The following FAM91A1 variants were observed in gnomAD, a reference collection of about 807,000 sequenced individuals.
The protein encoded by FAM91A1 is protein FAM91A1.
FAM91A1 carries 41 observed loss-of-function variants against 113.5 expected under a neutral mutation model. The observed-to-expected ratio is 0.36, with a 90% CI of 0.28 to 0.47. The LOEUF (loss-of-function observed/expected upper bound fraction) is 0.47. Among genes scored for constraint, FAM91A1 ranks in the 20% least tolerant of loss-of-function variants. FAM91A1 has a pLI of 1.00. For missense variants in FAM91A1, 696 were observed against 1,001.2 expected (o/e 0.70, Z 4.11); for synonymous variants, 307 against 347.9 (o/e 0.88, Z 1.31).
In FAM91A1 at chr8:123,784,590, C is replaced by T. The variant is rs368167525; in HGVS notation, c.810+14C>T. The T allele has an allele frequency of 6.7e-5, 103 of 1,534,374 alleles. No homozygotes were observed. In the African/African-American group the frequency reaches 1.2e-3, roughly 18 times the overall value. ...AATGTTGCAGAGGTAAGTTTGACAACGTCTCATGAAAATATAATCTCAAGA... is the reference window on the plus strand; with the variant it reads ...AATGTTGCAGAGGTAAGTTTGACAATGTCTCATGAAAATATAATCTCAAGA... On this transcript the variant is annotated intron_variant, in intron 9 of 23. Coordinates refer to ENST00000334705, the MANE Select transcript of FAM91A1 (RefSeq NM_144963.4).
chr8:123,785,594 T>G, intron 10 of FAM91A1, 35 bp from the exon 11 acceptor site: 3 of 1,371,722 alleles, frequency 2.2e-6, no homozygotes, highest in Non-Finnish European at 3.1e-6. Flanking sequence ...TAGTTTATTT[T>G]AAATGGTAAT....
intron 9 of FAM91A1, 113 bp downstream of exon 9, chr8:123,784,689 C>G (rs998182959): frequency 2.9e-5 from 18 of 612,478 alleles, no homozygotes; most frequent in Non-Finnish European, 2.1e-5. Context: ...GTGGGGAGAT[C>G]ATACCATTAT....
intron 18 of FAM91A1, among the ~76,000 whole-genome samples, chr8:123,801,666 C>G (rs1187641696): frequency 6.6e-6 from 1 of 152,128 alleles, no homozygotes; most frequent in African/African-American, 2.4e-5. Flanking sequence ...AAGAACTATC[C>G]AGTCCAGCCT....
intron 1 of FAM91A1, among the ~76,000 whole-genome samples, chr8:123,771,456 A>G (rs1814835119): frequency 6.6e-6 from 1 of 152,156 alleles, no homozygotes; most frequent in Admixed American, 6.5e-5. Flanking sequence ...CAGTTCTGTA[A>G]GCTAGGGGCA....
At position 123,769,226 on chromosome 8, in the gene FAM91A1, G is replaced by A. The variant is rs181480254; in HGVS notation, c.72+452G>A. On this transcript the variant is annotated intron_variant, in intron 1 of 23. Coordinates refer to ENST00000334705, the MANE Select transcript of FAM91A1 (RefSeq NM_144963.4). Reference sequence around the variant, plus strand: ...CTGGGAGAGTTGGAAGGATTTTTAAGGCAGGCACTTAAATTGGGCCTTGGA... The same window carrying A: ...CTGGGAGAGTTGGAAGGATTTTTAAAGCAGGCACTTAAATTGGGCCTTGGA... 1.1e-4 allele frequency among the ~76,000 whole-genome samples: 16 copies of A among 152,324 alleles called. No individual in the cohort carries two copies. In the East Asian group the frequency reaches 2.5e-3, roughly 24 times the overall value.
chr8:123,779,510 T>C (rs1235645013), intron 6 of FAM91A1, among the ~76,000 whole-genome samples: 1 of 152,228 alleles, frequency 6.6e-6, no homozygotes, highest in Middle Eastern at 3.2e-3. Context: ...CTTTTTGGTC[T>C]GCATTTAATT....
intron 22 of FAM91A1, 122 bp from the exon 23 acceptor site, chr8:123,810,156 TTAAG>T: frequency 1.2e-6 from 1 of 838,396 alleles, no homozygotes. Context: ...AAATTGTTTT[TTAAG>T]ATGTTTTGTG....
At chr8:123,785,196 G>A in intron 10 of FAM91A1, 77 bp downstream of exon 10, 1 of 1,201,644 alleles carries the variant, frequency 8.3e-7, no homozygotes, top group Non-Finnish European at 1.2e-6. Context: ...ATCTTGATAA[G>A]CTACTGAGAA....
Position 123,786,480 on chromosome 8 carries a change from A to T in FAM91A1, c.963-15A>T, listed in dbSNP as rs1815260914. ...TATATGATTTTTAAAAAGCAAATGC[A>T]TTCTTCATTAATAGGAGTACCTTAG... On this transcript the variant is annotated splice_polypyrimidine_tract_variant and intron_variant, in intron 11 of 23. Coordinates refer to ENST00000334705, the MANE Select transcript of FAM91A1 (RefSeq NM_144963.4). 5 of 1,562,148 alleles carry T rather than the reference A, an allele frequency of 3.2e-6. No homozygotes were observed. The highest frequency in any genetic ancestry group is 4.4e-6 in the Non-Finnish European group (5 of 1,134,412).
intron 4 of FAM91A1, 122 bp downstream of exon 4, chr8:123,777,444 C>A: frequency 1.2e-6 from 1 of 826,394 alleles, no homozygotes; most frequent in Non-Finnish European, 1.9e-6. Context: ...GAACAGTAAG[C>A]AACATTATCA....
Position 123,778,766 on chromosome 8 carries a change from C to A in FAM91A1, c.543C>A (p.Asp181Glu). The change falls in exon 6 of 24, where the codon GAC becomes GAA. Residue 181 changes from aspartate to glutamate, a missense_variant. Coordinates refer to ENST00000334705, the MANE Select transcript of FAM91A1 (RefSeq NM_144963.4). ...VVQAGYITEDDIKICTLPEKC... is the reference protein window; with the variant it reads ...VVQAGYITEDEIKICTLPEKC... ...AGGCTGGCTATATCACAGAAGATGACATCAAGGTAGAAATCTTTAAAAGTT... is the reference window on the plus strand; with the variant it reads ...AGGCTGGCTATATCACAGAAGATGAAATCAAGGTAGAAATCTTTAAAAGTT... The A allele has an allele frequency of 6.6e-7, 1 of 1,512,114 alleles. No homozygotes were observed. Among genetic ancestry groups the A allele is most frequent in the Non-Finnish European group, 8.9e-7 (1 of 1,128,130 alleles). The allele number at this position is 1,512,114 out of a possible 1,614,324, so 93.7% of individuals were successfully genotyped here.
chr8:123,804,505 A>C (rs2130147654), intron 18 of FAM91A1, among the ~76,000 whole-genome samples: 1 of 148,280 alleles, frequency 6.7e-6, no homozygotes, highest in East Asian at 1.9e-4. Context: ...AAAAAAAAAA[A>C]AAAAAAAAAA....
intron 14 of FAM91A1, among the ~76,000 whole-genome samples, chr8:123,788,461 A>G (rs1359505440): frequency 6.6e-6 from 1 of 151,472 alleles, no homozygotes; most frequent in East Asian, 1.9e-4. Flanking sequence ...GTGATTCTGC[A>G]ACTCCTTTAT....
At chr8:123,796,358 A>ATATCTGCTGGAGATAAACATCTG (rs1815519923) in intron 15 of FAM91A1, among the ~76,000 whole-genome samples, 1 of 152,136 alleles carries the variant, frequency 6.6e-6, no homozygotes, top group Non-Finnish European at 1.5e-5. Context: ...GCTGGAGAAA[A>ATATCTGCTGGAGATAAACATCTG]CTGTCTAGAT....
chr8:123,782,984 A>G (rs1360972863), intron 8 of FAM91A1, among the ~76,000 whole-genome samples: 1 of 152,114 alleles, frequency 6.6e-6, no homozygotes, highest in East Asian at 1.9e-4. Flanking sequence ...AGCCTGGGCA[A>G]TATAAAGGGA....
chr8:123,775,140 T>G lies in FAM91A1; in HGVS notation c.158-7T>G. ...AAAAAACTGGAGAATTTCCCTCTTT[T>G]GTGCAGTTAAACATGTCAAGAAAGA... On this transcript the variant is annotated splice_region_variant and splice_polypyrimidine_tract_variant and intron_variant, in intron 2 of 23. Coordinates refer to ENST00000334705, the MANE Select transcript of FAM91A1 (RefSeq NM_144963.4). The G allele has an allele frequency of 1.3e-6, 2 of 1,583,658 alleles. No homozygotes were observed. The highest frequency in any genetic ancestry group is 4.5e-5 in the East Asian group (2 of 44,266).
intron 8 of FAM91A1, among the ~76,000 whole-genome samples, chr8:123,783,795 G>T (rs1815182817): frequency 6.6e-6 from 1 of 152,218 alleles, no homozygotes; most frequent in African/African-American, 2.4e-5. Flanking sequence ...CAAAGAGATA[G>T]AAGTGAGTAT....
chr8:123,773,140 T>C (rs1814894896), intron 1 of FAM91A1, among the ~76,000 whole-genome samples: 1 of 152,242 alleles, frequency 6.6e-6, no homozygotes, highest in Non-Finnish European at 1.5e-5. Context: ...AAATATTACC[T>C]ACCAATGGGT....
Position 123,812,687 on chromosome 8 carries a change from A to T in FAM91A1, c.2500A>T (p.Asn834Tyr), listed in dbSNP as rs1815988156. Residue 834 changes from asparagine (N) to tyrosine (Y), a missense_variant, in exon 24 of 24, where the codon AAT (asparagine) becomes TAT (tyrosine). Transcript: ENST00000334705. Reference sequence around the variant, plus strand: ...GTCACCTTCCTCACTTCTTATTGCTAATCTCCATTTGCAATAATTTGGTTA... The same window carrying T: ...GTCACCTTCCTCACTTCTTATTGCTTATCTCCATTTGCAATAATTTGGTTA... Reference protein sequence around the residue: ...GRSPSSLLIANLHLQ With the variant: ...GRSPSSLLIAYLHLQ 6.3e-7 allele frequency: 1 copy of T among 1,580,002 alleles called. No homozygotes were observed. The highest frequency in any genetic ancestry group is 2.3e-5 in the East Asian group (1 of 43,462).
Sources: allele counts gnomAD v4.1 joint callset (sites outside exome capture counted in the v4.1 genomes callset), GRCh38; gene constraint gnomAD v4.1.1; transcripts MANE v1.5; gene names NCBI Gene and HGNC (gene_info 2026-07-23, HGNC 2026-07-21).